Variants in PDZD2 observed in about 807,000 individuals in gnomAD.
PDZD2 encodes the protein PDZ domain-containing protein 2.
A neutral mutation model predicts 220.7 loss-of-function variants in PDZD2; 90 were observed. The observed-to-expected ratio is 0.41, with a 90% CI of 0.34 to 0.49. The LOEUF (loss-of-function observed/expected upper bound fraction) is 0.49, where lower values mean the gene tolerates loss of function less well. Ranked by LOEUF, PDZD2 falls within the 20% of genes least tolerant of loss-of-function variation. The pLI, the probability that PDZD2 is intolerant of heterozygous loss-of-function variation, is 0.28. For missense variants in PDZD2, 3,174 were observed against 3,608.5 expected, an observed-to-expected ratio of 0.88 and a Z score of 3.08; for synonymous variants, 1,375 against 1,450.5, an observed-to-expected ratio of 0.95 and a Z score of 1.18.
intron 1 of PDZD2, among the ~76,000 whole-genome samples, chr5:31,698,774 G>T (rs1747487818): frequency 6.6e-6 from 1 of 152,162 alleles, no homozygotes; most frequent in Admixed American, 6.5e-5. Context: ...TTAAGTAGGT[G>T]GCCCCAAGGT....
chr5:31,705,983 C>T lies in PDZD2; in HGVS notation c.-361+66546C>T, dbSNP rs533756399. ...GGGAGAACTGCTTGAACCTGGGAGG[C>T]GGAGGTTGCAGTGAGCCAAGATTAT... On this transcript the variant is annotated intron_variant, in intron 1 of 24. Coordinates refer to ENST00000438447, the MANE Select transcript of PDZD2 (RefSeq NM_178140.4). 5.7e-4 allele frequency among the ~76,000 whole-genome samples: 86 copies of T among 152,126 alleles called. 1 individual carries two copies. Among genetic ancestry groups the T allele is most frequent in the Admixed American group, 5.9e-4 (9 of 15,278 alleles).
intron 1 of PDZD2, among the ~76,000 whole-genome samples, chr5:31,706,842 C>CAAAA (rs60622267): frequency 7.8e-6 from 1 of 129,016 alleles, no homozygotes; most frequent in African/African-American, 2.8e-5. Flanking sequence ...GATTCCATCT[C>CAAAA]AAAAAAAAAA....
Position 32,074,055 on chromosome 5 carries a change from T to G in PDZD2, c.2949T>G (p.Ile983Met), listed in dbSNP as rs1240160808. 6.2e-7 allele frequency: 1 copy of G among 1,614,106 alleles called. No homozygotes were observed. Among genetic ancestry groups the G allele is most frequent in the South Asian group, 1.1e-5 (1 of 91,074 alleles). ...EEEFDREGDC[I>M]SLPGALPGPI... ...AGTTTGACAGAGAAGGGGACTGCATTTCACTCCCAGGGGCCCTCCCGGGTC... is the reference window on the plus strand; with the variant it reads ...AGTTTGACAGAGAAGGGGACTGCATGTCACTCCCAGGGGCCCTCCCGGGTC... The change falls in exon 18 of 25, where the codon ATT becomes ATG. Residue 983 changes from isoleucine to methionine, a missense_variant. Physicochemically the swap from Ile to Met is conservative, Grantham distance 10 (BLOSUM62 1). Coordinates refer to ENST00000438447, the MANE Select transcript of PDZD2 (RefSeq NM_178140.4).
intron 6 of PDZD2, among the ~76,000 whole-genome samples, chr5:32,014,706 CTTTTTTTTTTTTTTTTTTT>C (rs556276502): frequency 1.0e-5 from 1 of 95,422 alleles, no homozygotes; most frequent in East Asian, 3.0e-4. Context: ...ATGACAATTT[CTTTTTTTTTTTTTTTTTTT>C]TTTTTTTTTG....
chr5:31,981,638 C>G (rs916740585), intron 2 of PDZD2, among the ~76,000 whole-genome samples: 1 of 152,196 alleles, frequency 6.6e-6, no homozygotes, highest in Non-Finnish European at 1.5e-5. Flanking sequence ...GCTTTTGCTG[C>G]GTGAGCATAA....
chr5:31,805,252 C>T (rs2150236012), intron 2 of PDZD2, among the ~76,000 whole-genome samples: 1 of 152,296 alleles, frequency 6.6e-6, no homozygotes, highest in East Asian at 1.9e-4. Flanking sequence ...TTTTGGCAAA[C>T]TTAGCTCTAG....
chr5:31,755,185 T>C (rs529662222), intron 1 of PDZD2, among the ~76,000 whole-genome samples: 1 of 143,866 alleles, frequency 7.0e-6, no homozygotes, highest in East Asian at 2.3e-4. Context: ...CGTGGTCTGG[T>C]TCCCCACCGA....
At chr5:32,069,757 T>C (rs79743260) in intron 15 of PDZD2, 107 bp downstream of exon 15, 19,391 of 669,358 alleles carry the variant, frequency 0.029, 377 homozygotes, top group Non-Finnish European at 0.041. Flanking sequence ...AATTATCAGG[T>C]TTGGCAAAAG....
intron 3 of PDZD2, among the ~76,000 whole-genome samples, chr5:31,995,372 T>G (rs564144046): frequency 6.6e-6 from 1 of 152,278 alleles, no homozygotes; most frequent in African/African-American, 2.4e-5. Flanking sequence ...TATAGAACAT[T>G]TCCATGATCA....
At chr5:31,649,290 A>T (rs1745250735) in intron 1 of PDZD2, among the ~76,000 whole-genome samples, 1 of 150,954 alleles carries the variant, frequency 6.6e-6, no homozygotes, top group South Asian at 2.1e-4. Context: ...CTCTCCTATG[A>T]CTCCTTCTCT....
rs1006005937 is a variant in PDZD2 at position 32,061,204 on chromosome 5, G to A, written c.2451+70G>A. 3 of 1,511,138 alleles carry A rather than the reference G, an allele frequency of 2.0e-6. No individual in the cohort carries two copies. In the African/African-American group the frequency reaches 4.1e-5, roughly 21 times the overall value. 93.6% of individuals were successfully genotyped at this position (1,511,138 alleles called of 1,614,324 possible). On this transcript the variant is annotated intron_variant, in intron 14 of 24. Coordinates refer to ENST00000438447, the MANE Select transcript of PDZD2 (RefSeq NM_178140.4). ...TTCCTAGGATATCGTATACTCTTTG[G>A]TGAGATGGTTTTCCCAGCTGGGGAT... is the stretch of plus-strand genomic sequence containing the variant.
At chr5:32,037,845 A>ATTT (rs11387630) in intron 7 of PDZD2, among the ~76,000 whole-genome samples, 2 of 146,552 alleles carry the variant, frequency 1.4e-5, no homozygotes, top group Admixed American at 6.8e-5. Flanking sequence ...TATGAAAGGC[A>ATTT]TTTTTTTTTT....
intron 1 of PDZD2, among the ~76,000 whole-genome samples, chr5:31,675,399 C>G (rs1746369710): frequency 6.6e-6 from 1 of 152,164 alleles, no homozygotes; most frequent in South Asian, 2.1e-4. Flanking sequence ...TGTGGAAAGG[C>G]CTTTGGTAAG....
At chr5:31,645,397 C>T (rs997929180) in intron 1 of PDZD2, among the ~76,000 whole-genome samples, 2 of 146,458 alleles carry the variant, frequency 1.4e-5, no homozygotes, top group Non-Finnish European at 3.0e-5. Flanking sequence ...AGTGCAGTGG[C>T]GCGATCTTGG....
At chr5:32,107,870 T>G in intron 24 of PDZD2, 99 bp from the exon 25 acceptor site, 1 of 656,188 alleles carries the variant, frequency 1.5e-6, no homozygotes, top group Non-Finnish European at 2.6e-6. Context: ...TAATATATTA[T>G]TTAGATATTT....
chr5:32,042,123 A>G (rs1421913056), intron 7 of PDZD2, among the ~76,000 whole-genome samples: 1 of 151,812 alleles, frequency 6.6e-6, no homozygotes, highest in Non-Finnish European at 1.5e-5. Flanking sequence ...TTAGCTGGGC[A>G]TGGTGGCAGG....
chr5:31,790,746 C>T (rs7717232), intron 1 of PDZD2, among the ~76,000 whole-genome samples: 4,424 of 133,864 alleles, frequency 0.033, 256 homozygotes, highest in African/African-American at 0.11. Flanking sequence ...TCGCTCAGGC[C>T]GGACTGCAGT....
intron 1 of PDZD2, chr5:31,665,092 C>G (rs1745930233): frequency 6.6e-6 from 1 of 152,274 alleles, no homozygotes; most frequent in South Asian, 2.1e-4. Context: ...CTGATAAGTA[C>G]TTTACTGCAG....
intron 1 of PDZD2, among the ~76,000 whole-genome samples, chr5:31,679,329 G>A (rs1427036131): frequency 6.6e-6 from 1 of 152,214 alleles, no homozygotes; most frequent in Non-Finnish European, 1.5e-5. Context: ...AGTAGCTTAT[G>A]TTTTCAAAAG....
Sources: allele counts gnomAD v4.1 joint callset (sites outside exome capture counted in the v4.1 genomes callset), GRCh38; gene constraint gnomAD v4.1.1; transcripts MANE v1.5; gene names NCBI Gene and HGNC (gene_info 2026-07-23, HGNC 2026-07-21).